The following PCDH15 variants were observed in gnomAD, a reference collection of about 807,000 sequenced individuals.
PCDH15 encodes protocadherin related 15.
PCDH15 carries 129 observed loss-of-function variants against 178.5 expected under a neutral mutation model. That is an observed-to-expected ratio of 0.72 (90% CI 0.63 to 0.84). PCDH15 has a LOEUF of 0.84. Ranked by LOEUF, PCDH15 falls within the 40% of genes least tolerant of loss-of-function variation. PCDH15 has a pLI of 0.00. For synonymous variants in PCDH15, 800 were observed against 732.0 expected, an observed-to-expected ratio of 1.09 and a Z score of -1.50; for missense variants, 2,230 against 2,099.9, an observed-to-expected ratio of 1.06 and a Z score of -1.21.
At chr10:54,048,299 T>C (rs1330220568) in intron 18 of PCDH15, among the ~76,000 whole-genome samples, 1 of 152,172 alleles carries the variant, frequency 6.6e-6, no homozygotes, top group Admixed American at 6.5e-5. Flanking sequence ...AGAATCAGGA[T>C]ATTAGACATC....
intron 9 of PCDH15, among the ~76,000 whole-genome samples, chr10:54,224,579 T>C (rs751927835): frequency 2.0e-4 from 30 of 152,128 alleles, no homozygotes; most frequent in Non-Finnish European, 2.4e-4. Context: ...TAATATTCCA[T>C]TCCTCTGACA....
At chr10:55,585,147 T>C (rs1842701025) in intron 2 of PCDH15, among the ~76,000 whole-genome samples, 1 of 152,008 alleles carries the variant, frequency 6.6e-6, no homozygotes, top group Non-Finnish European at 1.5e-5. Context: ...TCTTTGCAAA[T>C]AACCTAAAAA....
intron 2 of PCDH15, among the ~76,000 whole-genome samples, chr10:55,617,706 C>T (rs1157603564): frequency 6.6e-6 from 1 of 151,916 alleles, no homozygotes; most frequent in Non-Finnish European, 1.5e-5. Flanking sequence ...AATTTTTATC[C>T]TAATTATCTG....
chr10:54,422,258 T>C (rs1017850237), intron 3 of PCDH15, among the ~76,000 whole-genome samples: 2 of 151,984 alleles, frequency 1.3e-5, no homozygotes, highest in African/African-American at 4.8e-5. Context: ...TCAAGACCTA[T>C]CTTTTACAGG....
intron 6 of PCDH15, among the ~76,000 whole-genome samples, chr10:54,332,123 T>C (rs1939738607): frequency 6.7e-6 from 1 of 149,026 alleles, no homozygotes; most frequent in African/African-American, 2.5e-5. Flanking sequence ...ATCTGTGTTG[T>C]CTTTGAGTTG....
intron 16 of PCDH15, among the ~76,000 whole-genome samples, chr10:54,085,254 C>T (rs941071012): frequency 2.0e-5 from 3 of 151,430 alleles, no homozygotes; most frequent in Admixed American, 6.6e-5. Context: ...AAATTAATCA[C>T]CAAAGAAAAA....
chr10:55,099,441 C>A (rs1479256315), intron 2 of PCDH15, among the ~76,000 whole-genome samples: 1 of 151,930 alleles, frequency 6.6e-6, no homozygotes, highest in Non-Finnish European at 1.5e-5. Flanking sequence ...AGAAATGTCA[C>A]AGGAAAACAA....
At chr10:55,545,434 C>A (rs1041803894) in intron 2 of PCDH15, among the ~76,000 whole-genome samples, 21 of 152,004 alleles carry the variant, frequency 1.4e-4, no homozygotes, top group South Asian at 8.3e-4. Context: ...CGCTGCCACA[C>A]CTGGCTAATT....
At chr10:54,362,204 G>T (rs1481107425) in intron 5 of PCDH15, among the ~76,000 whole-genome samples, 1 of 151,880 alleles carries the variant, frequency 6.6e-6, no homozygotes, top group Non-Finnish European at 1.5e-5. Context: ...AAGTCAGGAG[G>T]TATGATATCA....
At chr10:54,905,420 G>C (rs1228859562) in intron 2 of PCDH15, among the ~76,000 whole-genome samples, 3 of 152,104 alleles carry the variant, frequency 2.0e-5, no homozygotes, top group African/African-American at 4.8e-5. Flanking sequence ...GATAAATTCA[G>C]CTAATGGAGT....
intron 3 of PCDH15, among the ~76,000 whole-genome samples, chr10:54,458,803 C>A (rs2076993789): frequency 6.6e-6 from 1 of 152,024 alleles, no homozygotes; most frequent in Non-Finnish European, 1.5e-5. Flanking sequence ...CCTTTGGATC[C>A]CAGGGTCACG....
At chr10:54,244,874 T>C (rs184932290) in intron 8 of PCDH15, among the ~76,000 whole-genome samples, 49 of 152,314 alleles carry the variant, frequency 3.2e-4, no homozygotes, top group Middle Eastern at 6.8e-3. Flanking sequence ...ACCATGAAGA[T>C]AAGGAGACAA....
intron 32 of PCDH15, chr10:53,821,478 T>C (rs1268037106): frequency 4.1e-5 from 42 of 1,020,722 alleles, no homozygotes; most frequent in Non-Finnish European, 4.7e-5. Flanking sequence ...TCTTGGAACA[T>C]TCATATAAAA....
chr10:54,357,862 T>C (rs1421167215), intron 5 of PCDH15, among the ~76,000 whole-genome samples: 1 of 151,870 alleles, frequency 6.6e-6, no homozygotes, highest in Non-Finnish European at 1.5e-5. Flanking sequence ...TAACACCACA[T>C]ATCTACAACT....
rs1398049236 is a variant in PCDH15 at position 54,840,566 on chromosome 10, A to G, written c.-29+56884T>C. ...TATAAAACAGTCAAAATATTAACAGAATGGCAAAACTAAGTCCTTACTTAT... is the reference window on the plus strand; with the variant it reads ...TATAAAACAGTCAAAATATTAACAGGATGGCAAAACTAAGTCCTTACTTAT... On this transcript the variant is annotated intron_variant, in intron 3 of 5. Coordinates refer to the PCDH15 transcript ENST00000458638. Among the ~76,000 whole-genome samples the G allele has an allele frequency of 2.0e-5, 3 of 151,992 alleles. No homozygotes were observed. In the East Asian group the frequency reaches 5.8e-4, roughly 29 times the overall value.
At chr10:54,355,754 G>GA (rs763222498) in intron 5 of PCDH15, among the ~76,000 whole-genome samples, 51 of 152,046 alleles carry the variant, frequency 3.4e-4, no homozygotes, top group Admixed American at 1.2e-3. Context: ...ATTACTGTCA[G>GA]AAAAAAATTG....
At chr10:53,992,024 A>C (rs12761393) in intron 21 of PCDH15, among the ~76,000 whole-genome samples, 50,183 of 151,904 alleles carry the variant, frequency 0.33, 10,061 homozygotes, top group Middle Eastern at 0.54. Flanking sequence ...GCTGCTGCTT[A>C]CTGTTTGGGT....
chr10:54,729,004 T>A (rs1260742419), intron 1 of PCDH15, among the ~76,000 whole-genome samples: 1 of 151,308 alleles, frequency 6.6e-6, no homozygotes, highest in Non-Finnish European at 1.5e-5. Flanking sequence ...TGTCCAAAGC[T>A]ACTACAAATT....
chr10:55,354,434 C>T (rs1008641014), intron 2 of PCDH15, among the ~76,000 whole-genome samples: 2 of 152,000 alleles, frequency 1.3e-5, no homozygotes, highest in Admixed American at 6.6e-5. Context: ...TAATAAATAA[C>T]AATACAACAG....
Sources: allele counts gnomAD v4.1 joint callset (sites outside exome capture counted in the v4.1 genomes callset), GRCh38; gene constraint gnomAD v4.1.1; transcripts MANE v1.5; gene names NCBI Gene and HGNC (gene_info 2026-07-23, HGNC 2026-07-21).